REDIC1: variants seen among roughly 807,000 people sequenced by gnomAD.
REDIC1 encodes the protein regulator of DNA class I crossover intermediates 1.
the REDIC1 span, among the ~76,000 whole-genome samples, chr12:39,712,857 GTATATA>G: frequency 1.5e-4 from 2 of 13,594 alleles, no homozygotes; most frequent in Non-Finnish European, 5.6e-4. Flanking sequence ...ATACACATAT[GTATATA>G]CACGTATATA....
chr12:39,847,614 T>C, the REDIC1 span, among the ~76,000 whole-genome samples: 7,192 of 151,962 alleles, frequency 0.047, 280 homozygotes, highest in African/African-American at 0.11. Flanking sequence ...ATGGGTACAG[T>C]AAAAGGATAG....
At chr12:39,872,428 G>A in the REDIC1 span, among the ~76,000 whole-genome samples, 3 of 152,074 alleles carry the variant, frequency 2.0e-5, no homozygotes, top group African/African-American at 4.8e-5. Context: ...GTGAAGGAAC[G>A]CCTCAAAAAA....
the REDIC1 span, among the ~76,000 whole-genome samples, chr12:39,748,856 G>A: frequency 6.6e-6 from 1 of 152,182 alleles, no homozygotes; most frequent in Non-Finnish European, 1.5e-5. Context: ...AAATAAAGAT[G>A]TTCTTTGAAA....
the REDIC1 span, among the ~76,000 whole-genome samples, chr12:39,671,111 A>T: frequency 2.6e-5 from 4 of 151,952 alleles, no homozygotes; most frequent in Non-Finnish European, 5.9e-5. Flanking sequence ...TTGCTTTTTC[A>T]TGTTTGTGTT....
At chr12:39,861,113 C>A in the REDIC1 span, among the ~76,000 whole-genome samples, 22 of 152,214 alleles carry the variant, frequency 1.4e-4, no homozygotes, top group African/African-American at 5.3e-4. Context: ...TTTGTACCTG[C>A]CATTCTTTCT....
the REDIC1 span, among the ~76,000 whole-genome samples, chr12:39,660,482 T>A: frequency 6.6e-6 from 1 of 152,168 alleles, no homozygotes; most frequent in African/African-American, 2.4e-5. Context: ...CTGAAAACTG[T>A]TGTCCATATA....
chr12:39,699,159 G>A, the REDIC1 span, among the ~76,000 whole-genome samples: 2 of 152,288 alleles, frequency 1.3e-5, no homozygotes, highest in South Asian at 2.1e-4. Context: ...CACAGAAGAC[G>A]GGTGATTTCT....
chr12:39,889,200 T>G, the REDIC1 span, among the ~76,000 whole-genome samples: 2 of 152,280 alleles, frequency 1.3e-5, no homozygotes, highest in Middle Eastern at 3.4e-3. Flanking sequence ...CATATATATC[T>G]GACAATTTAC....
chr12:39,631,833 G>A, the REDIC1 span, among the ~76,000 whole-genome samples: 1 of 152,028 alleles, frequency 6.6e-6, no homozygotes, highest in African/African-American at 2.4e-5. Flanking sequence ...ATTTTATGAA[G>A]AGAATTTAAA....
chr12:39,896,514 G>GTATATA, the REDIC1 span, among the ~76,000 whole-genome samples: 3 of 140,772 alleles, frequency 2.1e-5, no homozygotes, highest in Non-Finnish European at 4.7e-5. Context: ...ATGTACATGT[G>GTATATA]TGTATACATG....
At chr12:39,842,671 T>C in the REDIC1 span, among the ~76,000 whole-genome samples, 1 of 152,068 alleles carries the variant, frequency 6.6e-6, no homozygotes, top group Non-Finnish European at 1.5e-5. Context: ...ATGTTAAAGC[T>C]TGCAGTTTAG....
At chr12:39,640,735 A>G in the REDIC1 span, among the ~76,000 whole-genome samples, 1 of 151,884 alleles carries the variant, frequency 6.6e-6, no homozygotes, top group African/African-American at 2.4e-5. Context: ...CATCATTGAC[A>G]TGCAGTATTT....
At chr12:39,741,684 A>G in the REDIC1 span, among the ~76,000 whole-genome samples, 1 of 152,212 alleles carries the variant, frequency 6.6e-6, no homozygotes, top group Non-Finnish European at 1.5e-5. Flanking sequence ...ACATAAATCA[A>G]TACATGGAAG....
At chr12:39,653,031 A>G in the REDIC1 span, among the ~76,000 whole-genome samples, 1 of 152,018 alleles carries the variant, frequency 6.6e-6, no homozygotes, top group African/African-American at 2.4e-5. Flanking sequence ...TATAAATTTT[A>G]GGATCTGATG....
chr12:39,873,025 C>T, the REDIC1 span, among the ~76,000 whole-genome samples: 3 of 152,050 alleles, frequency 2.0e-5, no homozygotes, highest in Admixed American at 6.5e-5. Context: ...GTTTTGAATA[C>T]GTTTAAGTCT....
At chr12:39,794,547 C>G in the REDIC1 span, among the ~76,000 whole-genome samples, 2 of 152,184 alleles carry the variant, frequency 1.3e-5, no homozygotes, top group African/African-American at 4.8e-5. Context: ...AGCCAAACTT[C>G]AGACAACCAC....
chr12:39,659,125 T>C, the REDIC1 span, among the ~76,000 whole-genome samples: 2 of 152,066 alleles, frequency 1.3e-5, no homozygotes, highest in African/African-American at 4.8e-5. Context: ...AATTTCTGTT[T>C]TTGAAAGATG....
the REDIC1 span, chr12:39,721,025 A>C: frequency 6.2e-7 from 1 of 1,613,830 alleles, no homozygotes; most frequent in African/African-American, 1.3e-5. Flanking sequence ...CACATTTTGC[A>C]AAACAAAACC....
At chr12:39,906,737 T>G in the REDIC1 span, among the ~76,000 whole-genome samples, 1 of 152,096 alleles carries the variant, frequency 6.6e-6, no homozygotes, top group Non-Finnish European at 1.5e-5. Context: ...CTTATTAAAG[T>G]GAGAGCTACT....
Sources: allele counts gnomAD v4.1 joint callset (sites outside exome capture counted in the v4.1 genomes callset), GRCh38; gene constraint gnomAD v4.1.1; transcripts MANE v1.5; gene names NCBI Gene and HGNC (gene_info 2026-07-23, HGNC 2026-07-21).